KIF17: variants seen among roughly 807,000 people sequenced by gnomAD.
KIF17 encodes kinesin-like protein KIF17.
In KIF17, 80 loss-of-function variants were observed where a neutral mutation model predicts 96.8. The observed-to-expected ratio is 0.83, with a 90% CI of 0.69 to 1.00. KIF17 has a LOEUF of 1.00. Among genes scored for constraint, KIF17 ranks in the 50% least tolerant of loss-of-function variants. KIF17 has a pLI of 0.00. For missense variants in KIF17, 1,280 were observed against 1,372.9 expected (o/e 0.93, Z 1.07); for synonymous variants, 567 against 587.5 (o/e 0.97, Z 0.51).
chr1:20,713,184 T>C (rs796578973), intron 3 of KIF17, among the ~76,000 whole-genome samples: 7 of 150,904 alleles, frequency 4.6e-5, no homozygotes, highest in African/African-American at 1.7e-4. Context: ...TTAGTAGAGA[T>C]GGGTTTTCAC....
At chr1:20,661,729 C>T (rs1368855854), downstream of KIF17, among the ~76,000 whole-genome samples, 15 of 152,392 alleles carry the variant, frequency 9.8e-5, no homozygotes, top group East Asian at 1.9e-3. Context: ...GGGTCCTCCC[C>T]GGGCTTGACC....
At chr1:20,688,060 T>A in intron 7 of KIF17, 116 bp from the exon 8 acceptor site, 2 of 911,172 alleles carry the variant, frequency 2.2e-6, no homozygotes, top group Non-Finnish European at 3.4e-6. Context: ...TTTTTGTTTT[T>A]TTTTGAGACA....
At chr1:20,684,211 T>C (rs567845871) in intron 10 of KIF17, among the ~76,000 whole-genome samples, 2 of 152,300 alleles carry the variant, frequency 1.3e-5, no homozygotes, top group South Asian at 4.1e-4. Context: ...TGTGGGCCCT[T>C]GGGGCTGAGG....
chr1:20,710,317 C>G (rs879398111), intron 3 of KIF17, among the ~76,000 whole-genome samples: 7 of 152,170 alleles, frequency 4.6e-5, no homozygotes, highest in Admixed American at 3.9e-4. Context: ...TTGCCCGTTG[C>G]TAAGGCTCCA....
chr1:20,714,061 C>T (rs1428584065), intron 2 of KIF17, among the ~76,000 whole-genome samples: 2 of 152,142 alleles, frequency 1.3e-5, no homozygotes, highest in African/African-American at 4.8e-5. Context: ...AGCGCGGTGG[C>T]TCACGCCTGC....
rs2154536137 is a variant in KIF17, at chr1:20,688,000, C to T, written c.1382-56G>A. ...TAAAGGGTCAGAATGAGAGACCCTT[C>T]CCTAGAAGGTGGCTCCAAGCCCAGT... is the stretch of plus-strand genomic sequence containing the variant. On this transcript the variant is annotated intron_variant, in intron 7 of 14. Transcript: ENST00000400463. The surrounding 1 kb of genome is among the most constrained non-coding windows in gnomAD (Gnocchi z 4.4). The T allele has an allele frequency of 6.9e-7, 1 of 1,459,536 alleles. No homozygotes were observed. The highest frequency in any genetic ancestry group is 1.7e-5 in the Admixed American group (1 of 59,546). The allele number at this position is 1,459,536 out of a possible 1,614,324, so 90.4% of individuals were successfully genotyped here. A position where few individuals can be genotyped will look rare whatever the true frequency, so the allele number is the denominator to read the frequency against.
intron 4 of KIF17, among the ~76,000 whole-genome samples, chr1:20,707,873 TTA>T (rs1466686171): frequency 2.2e-5 from 3 of 133,578 alleles, no homozygotes; most frequent in Non-Finnish European, 3.2e-5. Flanking sequence ...ATATATACAT[TTA>T]TATATAAATA....
intron 11 of KIF17, 110 bp downstream of exon 11, chr1:20,682,543 G>A: frequency 1.1e-6 from 1 of 874,096 alleles, no homozygotes. Flanking sequence ...TGCCTGCTGT[G>A]TAAAGAGTAG....
At chr1:20,678,692 G>A (rs1186703030) in intron 11 of KIF17, among the ~76,000 whole-genome samples, 1 of 152,152 alleles carries the variant, frequency 6.6e-6, no homozygotes, top group Non-Finnish European at 1.5e-5. Context: ...GACAGCATGG[G>A]GCGAGGAGGA....
chr1:20,688,721 G>A (rs1039299534), intron 7 of KIF17, among the ~76,000 whole-genome samples: 7 of 152,224 alleles, frequency 4.6e-5, no homozygotes, highest in African/African-American at 1.7e-4. Flanking sequence ...CTAGATCCAC[G>A]GGAGCTAAAT....
Position 20,698,416 on chromosome 1 carries a change from T to G in KIF17, c.1196A>C (p.Gln399Pro), listed in dbSNP as rs754285551. The change falls in exon 6 of 15, where the codon CAG (glutamine) becomes CCG (proline). Residue 399 changes from glutamine to proline, a missense_variant. Transcript: ENST00000400463. ...CTGCTTCTCGGCCTCCACGTCATGC[T>G]GGATCACAGGTTGGGGCAACAGCTT... is the stretch of plus-strand genomic sequence containing the variant. ...EEKLLPQPVI[Q>P]HDVEAEKQLI... 4 of 1,613,804 alleles carry G rather than the reference T, an allele frequency of 2.5e-6. No homozygotes were observed. In the Admixed American group the frequency reaches 6.7e-5, roughly 27 times the overall value.
chr1:20,697,234 G>A (rs1187785389), intron 6 of KIF17, among the ~76,000 whole-genome samples: 1 of 152,236 alleles, frequency 6.6e-6, no homozygotes, highest in East Asian at 1.9e-4. Flanking sequence ...GGGTCCAGCA[G>A]CGGATACATC....
chr1:20,695,432 G>A (rs1164117743), intron 6 of KIF17, among the ~76,000 whole-genome samples: 7 of 152,042 alleles, frequency 4.6e-5, no homozygotes, highest in South Asian at 4.1e-4. Context: ...CCAGTGATCC[G>A]CCCGCCTCGG....
chr1:20,716,635 G>C (rs571858458), intron 1 of KIF17, among the ~76,000 whole-genome samples: 1 of 152,342 alleles, frequency 6.6e-6, no homozygotes, highest in Admixed American at 6.5e-5. Context: ...GGGTCAGCTT[G>C]AGTAAAGCCA....
Position 20,699,842 on chromosome 1 carries a change from G to C in KIF17, c.1124-1354C>G, listed in dbSNP as rs1161000100. 1.3e-5 allele frequency among the ~76,000 whole-genome samples: 2 copies of C among 152,186 alleles called. No homozygotes were observed. The highest frequency in any genetic ancestry group is 3.9e-4 in the East Asian group (2 of 5,186). ...AGTCCAAGAGGGATAATGCCAGATTGTGACAGCTGTGGAGGGCCGGGTGAG... is the reference window on the plus strand; with the variant it reads ...AGTCCAAGAGGGATAATGCCAGATTCTGACAGCTGTGGAGGGCCGGGTGAG... On this transcript the variant is annotated intron_variant, in intron 5 of 14. Coordinates refer to ENST00000400463, the MANE Select transcript of KIF17 (RefSeq NM_001122819.3). This position sits in a 1 kb window ranked among gnomAD's most constrained non-coding sequence, Gnocchi z 4.3.
chr1:20,677,514 C>T (rs1400892735), intron 11 of KIF17, among the ~76,000 whole-genome samples: 1 of 152,120 alleles, frequency 6.6e-6, no homozygotes, highest in Admixed American at 6.6e-5. Flanking sequence ...AGGACTGACT[C>T]AATAAGCAAT....
chr1:20,709,630 C>T lies in KIF17; in HGVS notation c.670+9G>A, dbSNP rs2054401660. The T allele has an allele frequency of 6.2e-7, 1 of 1,613,880 alleles. No individual in the cohort carries two copies. The highest frequency in any genetic ancestry group is 1.3e-5 in the African/African-American group (1 of 75,038). On this transcript the variant is annotated intron_variant, in intron 4 of 14. Coordinates refer to ENST00000400463, the MANE Select transcript of KIF17 (RefSeq NM_001122819.3). The surrounding 1 kb of genome is among the most constrained non-coding windows in gnomAD (Gnocchi z 4.7). The stretch of plus-strand genomic sequence containing the variant: ...CTGTCCCCCTGCCCCCAACAATGGC[C>T]TCGCATACCCACGGCAGACATCTCG...
chr1:20,703,674 G>A (rs551792053), intron 5 of KIF17, among the ~76,000 whole-genome samples: 7 of 152,130 alleles, frequency 4.6e-5, no homozygotes, highest in African/African-American at 7.2e-5. Flanking sequence ...GTGGATGAGC[G>A]GGTAGGTGAA....
At chr1:20,683,917 C>CT (rs1223296528) in intron 10 of KIF17, among the ~76,000 whole-genome samples, 1 of 151,662 alleles carries the variant, frequency 6.6e-6, no homozygotes, top group Non-Finnish European at 1.5e-5. Flanking sequence ...CTGTGAAGGC[C>CT]CCCCAGCCTT....
Sources: gnomAD v4.1 joint callset for allele counts (sites outside exome capture counted in the v4.1 genomes callset) on GRCh38, gnomAD v4.1.1 for gene constraint, Gnocchi (gnomAD v3.1) non-coding constraint, MANE v1.5 for transcripts, NCBI Gene and HGNC (gene_info 2026-07-23, HGNC 2026-07-21) for gene names.